The following LRRC3B variants were observed in gnomAD, a reference collection of about 807,000 sequenced individuals.
LRRC3B encodes leucine-rich repeat-containing protein 3B.
Under a neutral mutation model 12.8 loss-of-function variants are expected in LRRC3B, and 2 were observed. The ratio of observed to expected loss-of-function variants is 0.16; its 90% CI spans 0.06 to 0.49. The LOEUF is 0.49. LRRC3B is among the 20% of genes least tolerant of loss of function. The pLI is 0.96. For synonymous variants in LRRC3B, 132 were observed against 122.0 expected (o/e 1.08, Z -0.54); for missense variants, 189 against 319.4 (o/e 0.59, Z 3.11).
chr3:26,623,153 G>A (rs78260625), exon 1 of LRRC3B: 4,422 of 152,264 alleles, frequency 0.029, 239 homozygotes, highest in African/African-American at 0.1. Context: ...CCTGGCAGCG[G>A]GCACACCCCT....
chr3:26,677,961 G>T (rs1699895282), intron 1 of LRRC3B, among the ~76,000 whole-genome samples: 1 of 151,916 alleles, frequency 6.6e-6, no homozygotes, highest in Non-Finnish European at 1.5e-5. Flanking sequence ...CAACATGCTT[G>T]GCTAATTTTT....
At chr3:26,706,281 T>TATC (rs1452060627) in intron 1 of LRRC3B, among the ~76,000 whole-genome samples, 1 of 152,032 alleles carries the variant, frequency 6.6e-6, no homozygotes, top group African/African-American at 2.4e-5. Flanking sequence ...TAGATATAGA[T>TATC]ATCAGAATAT....
intron 1 of LRRC3B, among the ~76,000 whole-genome samples, chr3:26,680,456 C>A (rs1298747527): frequency 1.3e-5 from 2 of 152,156 alleles, no homozygotes; most frequent in Non-Finnish European, 2.9e-5. Flanking sequence ...ATGCCACAAG[C>A]AAAGAAAGAC....
At chr3:26,654,890 T>A (rs943419753) in intron 1 of LRRC3B, among the ~76,000 whole-genome samples, 1 of 152,206 alleles carries the variant, frequency 6.6e-6, no homozygotes, top group Non-Finnish European at 1.5e-5. Flanking sequence ...ATTAGTGGGC[T>A]GTTGTTGCTT....
At chr3:26,675,224 G>A (rs1699832726) in intron 1 of LRRC3B, among the ~76,000 whole-genome samples, 1 of 152,152 alleles carries the variant, frequency 6.6e-6, no homozygotes, top group South Asian at 2.1e-4. Flanking sequence ...GATACATTCA[G>A]GTACAGCATA....
intron 1 of LRRC3B, among the ~76,000 whole-genome samples, chr3:26,685,288 T>G (rs1188820024): frequency 1.3e-5 from 2 of 151,862 alleles, no homozygotes; most frequent in Non-Finnish European, 2.9e-5. Flanking sequence ...TTTGGCGGGT[T>G]TCATGTTTGT....
chr3:26,687,574 C>A (rs2125446614), intron 1 of LRRC3B, among the ~76,000 whole-genome samples: 1 of 152,204 alleles, frequency 6.6e-6, no homozygotes, highest in Middle Eastern at 3.4e-3. Context: ...CTTTTTTCAT[C>A]CCAGAGATCG....
At chr3:26,658,690 A>C (rs1293692607) in intron 1 of LRRC3B, among the ~76,000 whole-genome samples, 1 of 152,254 alleles carries the variant, frequency 6.6e-6, no homozygotes, top group Non-Finnish European at 1.5e-5. Context: ...TGATGAAAAA[A>C]TTGCAATCAG....
chr3:26,627,446 C>T (rs967954464), intron 1 of LRRC3B, among the ~76,000 whole-genome samples: 1 of 151,916 alleles, frequency 6.6e-6, no homozygotes, highest in Non-Finnish European at 1.5e-5. Flanking sequence ...CCTAGGCCAT[C>T]CTATAGTGAG....
rs536607299 is a variant in LRRC3B, at chr3:26,700,337, T to G, written c.-160-9176T>G. On this transcript the variant is annotated intron_variant, in intron 1 of 1. Coordinates refer to ENST00000396641, the Ensembl canonical transcript of LRRC3B. Reference sequence around the variant, plus strand: ...AACTCAGCATTTGTGTTTACAGACATTCATATAAAAAGTGGCCAGGAAAAG... The same window carrying G: ...AACTCAGCATTTGTGTTTACAGACAGTCATATAAAAAGTGGCCAGGAAAAG... 6.6e-5 allele frequency among the ~76,000 whole-genome samples: 10 copies of G among 152,040 alleles called. No individual in the cohort carries two copies. In the South Asian group the frequency reaches 1.9e-3, roughly 28 times the overall value.
At chr3:26,638,804 G>T (rs1269327913) in intron 1 of LRRC3B, among the ~76,000 whole-genome samples, 1 of 152,154 alleles carries the variant, frequency 6.6e-6, no homozygotes, top group East Asian at 1.9e-4. Flanking sequence ...TTTGGGGTAG[G>T]TCTGGTGTTT....
At chr3:26,667,265 A>G (rs574408506) in intron 1 of LRRC3B, among the ~76,000 whole-genome samples, 2 of 152,218 alleles carry the variant, frequency 1.3e-5, no homozygotes, top group South Asian at 4.1e-4. Flanking sequence ...GACTTAGTGC[A>G]TTATTAAGTT....
intron 1 of LRRC3B, among the ~76,000 whole-genome samples, chr3:26,628,777 C>G (rs939192962): frequency 6.6e-6 from 1 of 151,120 alleles, no homozygotes; most frequent in Non-Finnish European, 1.5e-5. Flanking sequence ...TACTATTTCT[C>G]CACCACAGGT....
intron 1 of LRRC3B, among the ~76,000 whole-genome samples, chr3:26,677,588 C>T (rs2125438518): frequency 6.6e-6 from 1 of 152,318 alleles, no homozygotes; most frequent in Middle Eastern, 3.4e-3. Flanking sequence ...GGGAGCATCC[C>T]TGTGCTAATG....
intron 1 of LRRC3B, among the ~76,000 whole-genome samples, chr3:26,699,751 G>A (rs1700408162): frequency 1.3e-5 from 2 of 152,136 alleles, no homozygotes; most frequent in Admixed American, 1.3e-4. Flanking sequence ...CTCTCACGTT[G>A]TAAATGTCAT....
chr3:26,689,424 C>T (rs552407817), intron 1 of LRRC3B, among the ~76,000 whole-genome samples: 3 of 152,312 alleles, frequency 2.0e-5, no homozygotes, highest in Admixed American at 2.0e-4. Flanking sequence ...AGAATCTGAC[C>T]TCCTTCTGAC....
intron 1 of LRRC3B, among the ~76,000 whole-genome samples, chr3:26,698,120 G>A (rs1700364344): frequency 6.6e-6 from 1 of 151,744 alleles, no homozygotes; most frequent in African/African-American, 2.4e-5. Flanking sequence ...GATGATGATA[G>A]TGGTGGTGGT....
Position 26,649,609 on chromosome 3 carries a change from C to G in LRRC3B, c.-161+26372C>G, listed in dbSNP as rs759241575. 3.1e-4 allele frequency among the ~76,000 whole-genome samples: 47 copies of G among 152,160 alleles called. 1 individual carries two copies. The highest frequency in any genetic ancestry group is 1.1e-3 in the African/African-American group (45 of 41,436). On this transcript the variant is annotated intron_variant, in intron 1 of 1. Transcript: ENST00000396641. Reference sequence around the variant, plus strand: ...CAATACCTCAACTTAGACCTTAACACTTTGTGCCTGTGTCCAAATTCACTG... The same window carrying G: ...CAATACCTCAACTTAGACCTTAACAGTTTGTGCCTGTGTCCAAATTCACTG...
intron 1 of LRRC3B, among the ~76,000 whole-genome samples, chr3:26,626,935 C>G (rs1698639838): frequency 6.6e-6 from 1 of 152,172 alleles, no homozygotes; most frequent in South Asian, 2.1e-4. Context: ...TTTTTCCTAT[C>G]ACAGGAAACA....
Sources: gnomAD v4.1 joint callset for allele counts (sites outside exome capture counted in the v4.1 genomes callset) on GRCh38, gnomAD v4.1.1 for gene constraint, MANE v1.5 for transcripts, NCBI Gene and HGNC (gene_info 2026-07-23, HGNC 2026-07-21) for gene names.